Variants in SMOC2 observed in about 807,000 individuals in gnomAD.
The protein encoded by SMOC2 is SPARC related modular calcium binding 2.
Under a neutral mutation model 61.4 loss-of-function variants are expected in SMOC2, and 39 were observed. The ratio of observed to expected loss-of-function variants is 0.64; its 90% CI spans 0.49 to 0.83. SMOC2 has a LOEUF of 0.83. Among genes scored for constraint, SMOC2 ranks in the 40% least tolerant of loss-of-function variants. The pLI is 0.00. For missense variants in SMOC2, 556 were observed against 592.9 expected (o/e 0.94, Z 0.65); for synonymous variants, 247 against 239.9 (o/e 1.03, Z -0.27).
rs547150631 is a variant in SMOC2 at position 168,555,252 on chromosome 6, T to C, written c.637+6049T>C. On this transcript the variant is annotated intron_variant, in intron 7 of 12. Coordinates refer to ENST00000356284, the MANE Select transcript of SMOC2 (RefSeq NM_001166412.2). ...TAAAGGCTATTTCATGTTGGAGATT[T>C]AAAAAAGCACATATTGCAAAAGCGG... Among the ~76,000 whole-genome samples, 4 of 152,328 alleles carry C rather than the reference T, an allele frequency of 2.6e-5. No individual in the cohort carries two copies. The South Asian group carries it at 6.2e-4, about 24-fold the overall frequency.
At position 168,599,266 on chromosome 6, in the gene SMOC2, A is replaced by G. The variant is rs533718023; in HGVS notation, c.824+262A>G. ...CACACCCACACACATACCCACACAC[A>G]CCCACGCTCTCACACACCCACACAC... On this transcript the variant is annotated intron_variant, in intron 8 of 12. Transcript: ENST00000356284. Among the ~76,000 whole-genome samples, 29 of 133,580 alleles carry G rather than the reference A, an allele frequency of 2.2e-4. No homozygotes were observed. In the East Asian group the frequency reaches 5.2e-3, roughly 24 times the overall value. 87.6% of individuals were successfully genotyped at this position (133,580 alleles called of 152,430 possible). A position where few individuals can be genotyped will look rare whatever the true frequency, so the allele number is the denominator to read the frequency against.
chr6:168,621,727 G>A (rs1188342339), intron 9 of SMOC2, among the ~76,000 whole-genome samples: 2 of 147,526 alleles, frequency 1.4e-5, no homozygotes, highest in African/African-American at 5.0e-5. Flanking sequence ...ACGATCTCAC[G>A]CGGACTCACT....
chr6:168,653,165 G>A lies in SMOC2; in HGVS notation c.1222G>A (p.Glu408Lys), dbSNP rs1041903275. ...TAATGACAAATCCATCTCCGTACAA[G>A]AACTGATGGGCTGCCTGGGCGTGGC... ...VNNDKSISVQ[E>K]LMGCLGVAKE... Residue 408 changes from glutamate (E) to lysine (K), a missense_variant, in exon 11 of 13, where the codon GAA (glutamate) becomes AAA (lysine). By Grantham distance (56) the Glu-to-Lys change is moderately conservative. Coordinates refer to ENST00000356284, the MANE Select transcript of SMOC2 (RefSeq NM_001166412.2). 1.9e-6 allele frequency: 3 copies of A among 1,614,076 alleles called. No homozygotes were observed. Among genetic ancestry groups the A allele is most frequent in the African/African-American group, 2.7e-5 (2 of 74,930 alleles).
intron 7 of SMOC2, among the ~76,000 whole-genome samples, chr6:168,557,370 A>G (rs914234045): frequency 6.6e-5 from 10 of 152,236 alleles, no homozygotes; most frequent in African/African-American, 1.9e-4. Flanking sequence ...TCCAATTTTC[A>G]TAATTATAAA....
rs1052991416 is a variant in SMOC2, at chr6:168,535,205, T to C, written c.463+7478T>C. ...CTGGATGGTCTCAATCTCCTGACCT[T>C]GTGATCCGCTCACCTTGGCCTCCCA... On this transcript the variant is annotated intron_variant, in intron 4 of 12. Coordinates refer to ENST00000356284, the MANE Select transcript of SMOC2 (RefSeq NM_001166412.2). The surrounding 1 kb of genome is among the most constrained non-coding windows in gnomAD (Gnocchi z 4.6). Among the ~76,000 whole-genome samples the C allele has an allele frequency of 6.6e-6, 1 of 151,992 alleles. No individual in the cohort carries two copies. The highest frequency in any genetic ancestry group is 1.5e-5 in the Non-Finnish European group (1 of 68,004).
At chr6:168,442,525 T>A (rs1188488683) in intron 1 of SMOC2, among the ~76,000 whole-genome samples, 2 of 152,242 alleles carry the variant, frequency 1.3e-5, no homozygotes, top group Admixed American at 1.3e-4. Context: ...TTAAATGTGT[T>A]TTTGAACAAG....
chr6:168,659,639 A>G (rs1583194529), intron 11 of SMOC2, among the ~76,000 whole-genome samples: 1 of 149,378 alleles, frequency 6.7e-6, no homozygotes, highest in Non-Finnish European at 1.5e-5. Flanking sequence ...TGGAGGTTGT[A>G]GGTTGGGTGA....
intron 8 of SMOC2, among the ~76,000 whole-genome samples, chr6:168,607,820 C>T (rs186264340): frequency 2.0e-5 from 3 of 150,996 alleles, no homozygotes; most frequent in Non-Finnish European, 3.0e-5. Flanking sequence ...GAGGTGTGGG[C>T]GCTGCTCCAT....
At chr6:168,541,735 G>A (rs1471928687) in intron 4 of SMOC2, among the ~76,000 whole-genome samples, 1 of 152,100 alleles carries the variant, frequency 6.6e-6, no homozygotes, top group African/African-American at 2.4e-5. Context: ...AGGGACGCTG[G>A]GTTCTGTCTT....
intron 7 of SMOC2, among the ~76,000 whole-genome samples, chr6:168,554,586 C>T (rs924293781): frequency 6.6e-6 from 1 of 152,230 alleles, no homozygotes; most frequent in South Asian, 2.1e-4. Flanking sequence ...TCTGGGACTG[C>T]GTGTCCTGGA....
At chr6:168,574,472 G>A (rs927713694) in intron 7 of SMOC2, among the ~76,000 whole-genome samples, 4 of 152,280 alleles carry the variant, frequency 2.6e-5, no homozygotes, top group East Asian at 1.9e-4. Context: ...GAACCTTCCC[G>A]CCGGGCCTTG....
Position 168,622,968 on chromosome 6 carries a change from A to G in SMOC2, c.907+14729A>G, listed in dbSNP as rs1786282787. Among the ~76,000 whole-genome samples, 3 of 152,298 alleles carry G rather than the reference A, an allele frequency of 2.0e-5. No individual in the cohort carries two copies. In the South Asian group the frequency reaches 6.2e-4, roughly 32 times the overall value. ...ATTGAACTTCCGAGCAGTCAGCCTT[A>G]GTGCACACTGGGAAGGGCATGCAGT... On this transcript the variant is annotated intron_variant, in intron 9 of 12. Transcript: ENST00000356284.
chr6:168,470,264 C>G (rs1233549579), intron 1 of SMOC2, among the ~76,000 whole-genome samples: 2 of 152,200 alleles, frequency 1.3e-5, no homozygotes, highest in African/African-American at 4.8e-5. Context: ...ACATAGTTTC[C>G]TACTCTTTCC....
chr6:168,612,890 TG>T (rs1785918855), intron 9 of SMOC2, among the ~76,000 whole-genome samples: 1 of 152,194 alleles, frequency 6.6e-6, no homozygotes, highest in African/African-American at 2.4e-5. Context: ...CAAGGAGAGT[TG>T]GCTCGAAAAC....
chr6:168,556,688 C>T (rs1784260560), intron 7 of SMOC2, among the ~76,000 whole-genome samples: 1 of 151,730 alleles, frequency 6.6e-6, no homozygotes, highest in Admixed American at 6.6e-5. Flanking sequence ...TTGTGCTGCA[C>T]CCATTAACTC....
intron 6 of SMOC2, among the ~76,000 whole-genome samples, chr6:168,547,872 A>C (rs1165798484): frequency 2.0e-5 from 3 of 152,164 alleles, no homozygotes; most frequent in African/African-American, 7.2e-5. Context: ...GGTTTCGTTA[A>C]ATACACATTT....
chr6:168,444,256 C>T (rs1166624017), intron 1 of SMOC2, among the ~76,000 whole-genome samples: 1 of 152,132 alleles, frequency 6.6e-6, no homozygotes, highest in East Asian at 1.9e-4. Context: ...TTCATTTCTT[C>T]TCATCTAGAA....
intron 1 of SMOC2, among the ~76,000 whole-genome samples, chr6:168,450,562 A>G (rs1781437250): frequency 6.6e-6 from 1 of 151,966 alleles, no homozygotes; most frequent in African/African-American, 2.4e-5. Context: ...TCTCTCTTCC[A>G]GTATTTGGGG....
rs1787669063 is a variant in SMOC2, at chr6:168,666,623, GAAAATTAATC to G, written c.*187_*196del. 1.5e-6 allele frequency: 1 copy of G among 664,474 alleles called. No homozygotes were observed. The highest frequency in any genetic ancestry group is 1.8e-5 in the African/African-American group (1 of 54,782). 41.2% of individuals were successfully genotyped at this position (664,474 alleles called of 1,614,324 possible). A position where few individuals can be genotyped will look rare whatever the true frequency, so the allele number is the denominator to read the frequency against. On this transcript the variant is annotated 3_prime_UTR_variant, in exon 13 of 13. Transcript: ENST00000356284. The stretch of plus-strand genomic sequence containing the variant: ...CTGTGAAAATGGAGAGCTGGCTTCA[GAAAATTAATC>G]ACATACAATGTATGTGTCCTCTTTT...
Sources: allele counts gnomAD v4.1 joint callset (sites outside exome capture counted in the v4.1 genomes callset), GRCh38; gene constraint gnomAD v4.1.1; non-coding constraint Gnocchi (gnomAD v3.1); transcripts MANE v1.5; gene names NCBI Gene and HGNC (gene_info 2026-07-23, HGNC 2026-07-21).